Variants in U2SURP observed in about 807,000 individuals in gnomAD.
The protein encoded by U2SURP is U2 snRNP-associated SURP motif-containing protein.
In U2SURP, 9 loss-of-function variants were observed where a neutral mutation model predicts 144.9. That is an observed-to-expected ratio of 0.06 (90% CI 0.04 to 0.11). The LOEUF (loss-of-function observed/expected upper bound fraction) is 0.11, where lower values mean the gene tolerates loss of function less well. Among genes scored for constraint, U2SURP ranks in the 10% least tolerant of loss-of-function variants. U2SURP has a pLI of 1.00. For synonymous variants in U2SURP, 408 were observed against 396.8 expected, an observed-to-expected ratio of 1.03 and a Z score of -0.33; for missense variants, 724 against 1,226.7, an observed-to-expected ratio of 0.59 and a Z score of 6.12.
intron 11 of U2SURP, 35 bp from the exon 12 acceptor site, chr3:143,022,817 GA>G (rs1932915693): frequency 6.7e-7 from 1 of 1,495,250 alleles, no homozygotes; most frequent in Non-Finnish European, 8.9e-7. Context: ...AAACTTTTGA[GA>G]GTTAACAAAA....
In U2SURP at chr3:143,014,347, G is replaced by A. The variant is rs749479945; in HGVS notation, c.259G>A (p.Gly87Arg). 10 of 1,607,676 alleles carry A rather than the reference G, an allele frequency of 6.2e-6. No individual in the cohort carries two copies. The East Asian group carries it at 2.0e-4, about 32-fold the overall frequency. The stretch of plus-strand genomic sequence containing the variant: ...AAACAAACTTAAAGCATTCAGTATT[G>A]GAAAAATGAGTACAGCTAAGCGAAC... ...LENKLKAFSI[G>R]KMSTAKRTLS... The change falls in exon 4 of 28, where the codon GGA (glycine) becomes AGA (arginine). Residue 87 changes from glycine (G) to arginine (R), a missense_variant. Physicochemically the swap from Gly to Arg is moderately radical, Grantham distance 125. This residue lies in a region of U2SURP where 115 missense variants were observed against 258.1 expected (regional missense o/e 0.45). Transcript: ENST00000473835.
chr3:143,027,990 T>C (rs1933254949), intron 14 of U2SURP, among the ~76,000 whole-genome samples: 1 of 152,200 alleles, frequency 6.6e-6, no homozygotes, highest in African/African-American at 2.4e-5. Flanking sequence ...TCTTAGACAC[T>C]AGTTTAACAC....
chr3:143,047,306 T>C (rs1286538501), intron 24 of U2SURP, among the ~76,000 whole-genome samples: 978 of 3,406 alleles, frequency 0.29, 3 homozygotes, highest in South Asian at 0.34. Flanking sequence ...ACGGGGCGGC[T>C]GGCCGGGCAG....
intron 25 of U2SURP, among the ~76,000 whole-genome samples, chr3:143,052,772 G>C (rs1283614030): frequency 1.3e-5 from 2 of 152,176 alleles, no homozygotes; most frequent in African/African-American, 4.8e-5. Flanking sequence ...AGAAGAATCA[G>C]CTATCACATA....
chr3:143,005,343 T>G (rs1392359856), intron 1 of U2SURP, among the ~76,000 whole-genome samples: 1 of 152,208 alleles, frequency 6.6e-6, no homozygotes, highest in Non-Finnish European at 1.5e-5. Flanking sequence ...TTGTGAACCT[T>G]AGGTATTTAT....
intron 16 of U2SURP, among the ~76,000 whole-genome samples, chr3:143,029,034 C>T (rs1292030359): frequency 6.6e-6 from 1 of 152,148 alleles, no homozygotes; most frequent in African/African-American, 2.4e-5. Flanking sequence ...AAAGCCGCTA[C>T]ATGATAACTT....
chr3:143,021,194 A>AAAC lies in U2SURP; in HGVS notation c.734-139_734-137dup, dbSNP rs566167262. Among the ~76,000 whole-genome samples, 158 of 152,178 alleles carry AAAC rather than the reference A, an allele frequency of 1.0e-3. 2 individuals carry two copies. Among genetic ancestry groups the AAAC allele is most frequent in the Middle Eastern group, 3.4e-3 (1 of 294 alleles). ...CGACAGAGCAAGAGTCTGTCTCAAA[A>AAAC]AACAACAACAACAACAACAGAGTTG... On this transcript the variant is annotated intron_variant, in intron 8 of 27. Transcript: ENST00000473835.
At chr3:143,047,996 A>G (rs1343093720) in intron 24 of U2SURP, among the ~76,000 whole-genome samples, 1 of 152,084 alleles carries the variant, frequency 6.6e-6, no homozygotes, top group Admixed American at 6.5e-5. Context: ...TATTGTCCCC[A>G]TTTCTACCAA....
intron 3 of U2SURP, among the ~76,000 whole-genome samples, chr3:143,012,606 A>G (rs918594133): frequency 6.6e-6 from 1 of 152,284 alleles, no homozygotes; most frequent in Admixed American, 6.5e-5. Flanking sequence ...TTTGGATTTA[A>G]AATGGTTAAT....
intron 7 of U2SURP, 28 bp downstream of exon 7, chr3:143,020,064 A>G (rs1389900761): frequency 3.6e-6 from 5 of 1,383,612 alleles, no homozygotes; most frequent in East Asian, 2.6e-5. Context: ...GAGAATAACT[A>G]TCATAGGTGT....
At chr3:143,054,919 T>C in intron 26 of U2SURP, 24 bp from the exon 27 acceptor site, 3 of 1,549,212 alleles carry the variant, frequency 1.9e-6, no homozygotes, top group Non-Finnish European at 1.7e-6. Flanking sequence ...ATTTATGGAA[T>C]GTTTTGGGGG....
At position 143,043,988 on chromosome 3, in the gene U2SURP, C is replaced by T. The variant is rs556452282; in HGVS notation, c.2544+712C>T. Reference sequence around the variant, plus strand: ...CAGGATGGTCTTGATCTCCTGACCTCGTGATCCGCCCACCTCGGCCTCCCA... The same window carrying T: ...CAGGATGGTCTTGATCTCCTGACCTTGTGATCCGCCCACCTCGGCCTCCCA... On this transcript the variant is annotated intron_variant, in intron 24 of 27. Coordinates refer to ENST00000473835, the MANE Select transcript of U2SURP (RefSeq NM_001080415.2). Among the ~76,000 whole-genome samples the T allele has an allele frequency of 4.1e-4, 62 of 152,044 alleles. No individual in the cohort carries two copies. In the East Asian group the frequency reaches 0.011, roughly 27 times the overall value.
At chr3:143,016,017 A>G (rs1424628565) in intron 4 of U2SURP, among the ~76,000 whole-genome samples, 1 of 152,096 alleles carries the variant, frequency 6.6e-6, no homozygotes, top group Admixed American at 6.6e-5. Flanking sequence ...CAAATTTACT[A>G]ATTAATCTAT....
chr3:143,004,366 T>G (rs1021676304), intron 1 of U2SURP, among the ~76,000 whole-genome samples: 10 of 141,272 alleles, frequency 7.1e-5, no homozygotes, highest in Non-Finnish European at 9.3e-5. Flanking sequence ...TTTTTTTTTT[T>G]TTTTTTTTTT....
intron 6 of U2SURP, 103 bp downstream of exon 6, chr3:143,017,078 G>A: frequency 1.7e-6 from 2 of 1,176,218 alleles, no homozygotes; most frequent in Non-Finnish European, 1.1e-6. Context: ...TTTTGGTGGG[G>A]GCAGGGTGGT....
chr3:143,020,520 G>T (rs555173501), intron 7 of U2SURP, 79 bp from the exon 8 acceptor site: 27 of 897,966 alleles, frequency 3.0e-5, no homozygotes, highest in Admixed American at 1.3e-4. Flanking sequence ...TTTGATGATA[G>T]TAATTTGATA....
At chr3:143,029,302 G>C (rs1259801275) in intron 16 of U2SURP, among the ~76,000 whole-genome samples, 1 of 152,200 alleles carries the variant, frequency 6.6e-6, no homozygotes, top group Non-Finnish European at 1.5e-5. Flanking sequence ...GATACAGTGT[G>C]TTTTATAAAT....
chr3:143,006,886 A>C lies in U2SURP; in HGVS notation c.46-3929A>C, dbSNP rs571072204. On this transcript the variant is annotated intron_variant, in intron 1 of 27. Transcript: ENST00000473835. Reference sequence around the variant, plus strand: ...AAAGTTGCTTCTCTTAGAGGGTGAGAGGAGAAACGTGGGAGATTAGGAGAC... The same window carrying C: ...AAAGTTGCTTCTCTTAGAGGGTGAGCGGAGAAACGTGGGAGATTAGGAGAC... Among the ~76,000 whole-genome samples the C allele has an allele frequency of 1.2e-4, 19 of 152,318 alleles. No individual in the cohort carries two copies. In the East Asian group the frequency reaches 3.7e-3, roughly 29 times the overall value.
chr3:143,043,415 T>C, intron 24 of U2SURP, 139 bp downstream of exon 24: 1 of 840,598 alleles, frequency 1.2e-6, no homozygotes. Flanking sequence ...AGATGACTTT[T>C]CTTCAGGCCT....
Sources: gnomAD v4.1 joint callset for allele counts (sites outside exome capture counted in the v4.1 genomes callset) on GRCh38, gnomAD v4.1.1 for gene constraint, gnomAD v4.1.1 regional missense constraint, MANE v1.5 for transcripts, NCBI Gene and HGNC (gene_info 2026-07-23, HGNC 2026-07-21) for gene names.